The following SMOC2 variants were observed in gnomAD, a reference collection of about 807,000 sequenced individuals.
The protein encoded by SMOC2 is SPARC related modular calcium binding 2.
In SMOC2, 39 loss-of-function variants were observed where a neutral mutation model predicts 61.4. The ratio of observed to expected loss-of-function variants is 0.64; its 90% CI spans 0.49 to 0.83. The LOEUF is 0.83. SMOC2 is among the 40% of genes least tolerant of loss of function. The pLI, the probability that SMOC2 is intolerant of heterozygous loss-of-function variation, is 0.00. For missense variants in SMOC2, 556 were observed against 592.9 expected (o/e 0.94, Z 0.65); for synonymous variants, 247 against 239.9 (o/e 1.03, Z -0.27).
intron 9 of SMOC2, among the ~76,000 whole-genome samples, chr6:168,638,515 C>T (rs55876347): frequency 0.23 from 34,450 of 152,042 alleles, 4,336 homozygotes; most frequent in Admixed American, 0.35. Flanking sequence ...CTGCTGGAAG[C>T]GGGGTCTGGA....
intron 7 of SMOC2, among the ~76,000 whole-genome samples, chr6:168,568,564 A>AGAG: frequency 6.6e-6 from 1 of 152,272 alleles, no homozygotes; most frequent in African/African-American, 2.4e-5. Flanking sequence ...ACCCCCCATC[A>AGAG]TAGTGTCATA....
At chr6:168,623,134 C>T (rs1786286805) in intron 9 of SMOC2, among the ~76,000 whole-genome samples, 1 of 152,040 alleles carries the variant, frequency 6.6e-6, no homozygotes, top group South Asian at 2.1e-4. Context: ...GCTCTATTGT[C>T]CAGGGTATCT....
At chr6:168,461,052 G>T (rs577945610) in intron 1 of SMOC2, among the ~76,000 whole-genome samples, 2 of 152,296 alleles carry the variant, frequency 1.3e-5, no homozygotes, top group East Asian at 1.9e-4. Context: ...GCTGATAAAG[G>T]CATATCCAGT....
intron 1 of SMOC2, among the ~76,000 whole-genome samples, chr6:168,485,366 G>A (rs1020561195): frequency 6.6e-5 from 10 of 151,986 alleles, no homozygotes; most frequent in African/African-American, 2.4e-4. Context: ...AAAAAAACAC[G>A]TACATAAATG....
At chr6:168,526,512 G>A (rs1044089039) in intron 3 of SMOC2, 60 bp downstream of exon 3, 27 of 1,442,302 alleles carry the variant, frequency 1.9e-5, no homozygotes, top group African/African-American at 9.8e-5. Flanking sequence ...GATGTGGAGC[G>A]GGTGTGGGGA....
At chr6:168,465,251 G>A (rs532844610) in intron 1 of SMOC2, among the ~76,000 whole-genome samples, 32 of 152,268 alleles carry the variant, frequency 2.1e-4, no homozygotes, top group African/African-American at 7.2e-4. Context: ...CCATCCTGCC[G>A]CTGCTTTCTG....
chr6:168,643,905 A>T (rs1039396896), intron 9 of SMOC2, among the ~76,000 whole-genome samples: 1 of 152,184 alleles, frequency 6.6e-6, no homozygotes, highest in Admixed American at 6.5e-5. Context: ...CCACGCGTAG[A>T]TCAGACAGGA....
rs181677998 is a variant in SMOC2, at chr6:168,470,195, A to G, written c.84+28741A>G. ...TTTGTGGTGATCCTCCTGCACTTTG[A>G]GGTCTCAGAATCACAGTCTCAGTCT... is the stretch of plus-strand genomic sequence containing the variant. On this transcript the variant is annotated intron_variant, in intron 1 of 12. Coordinates refer to ENST00000356284, the MANE Select transcript of SMOC2 (RefSeq NM_001166412.2). Among the ~76,000 whole-genome samples the G allele has an allele frequency of 4.9e-3, 739 of 152,320 alleles. 5 individuals carry two copies. The highest frequency in any genetic ancestry group is 0.013 in the Admixed American group (197 of 15,304).
In SMOC2 at chr6:168,517,411, C is replaced by T. The variant is rs149447639; in HGVS notation, c.256+7325C>T. Among the ~76,000 whole-genome samples, 351 of 152,348 alleles carry T rather than the reference C, an allele frequency of 2.3e-3. 2 individuals are homozygous for T. The highest frequency in any genetic ancestry group is 3.9e-3 in the Admixed American group (60 of 15,306). Reference sequence around the variant, plus strand: ...AGAGGAACAGCGGGCAGCAGTGTCTCCGGGAGGAAAGCCAGGCGGCTTCAC... The same window carrying T: ...AGAGGAACAGCGGGCAGCAGTGTCTTCGGGAGGAAAGCCAGGCGGCTTCAC... On this transcript the variant is annotated intron_variant, in intron 2 of 12. Coordinates refer to ENST00000356284, the MANE Select transcript of SMOC2 (RefSeq NM_001166412.2).
chr6:168,567,585 G>C (rs1784572459), intron 7 of SMOC2, among the ~76,000 whole-genome samples: 1 of 152,090 alleles, frequency 6.6e-6, no homozygotes, highest in African/African-American at 2.4e-5. Flanking sequence ...ACACCTCTGA[G>C]TTTCCAATGG....
At chr6:168,491,679 G>T (rs9456130) in intron 1 of SMOC2, among the ~76,000 whole-genome samples, 1 of 152,150 alleles carries the variant, frequency 6.6e-6, no homozygotes, top group Non-Finnish European at 1.5e-5. Flanking sequence ...GTATCTGCAT[G>T]AGCTGTGGGA....
rs1176019665 is a variant in SMOC2, at chr6:168,666,871, G to T, written c.*433G>T. ...TGTCCATGGAAGTTTGTGATGTACG[G>T]CCGACCCTACAGGCAGTTAACATGC... On this transcript the variant is annotated 3_prime_UTR_variant, in exon 13 of 13. Coordinates refer to ENST00000356284, the MANE Select transcript of SMOC2 (RefSeq NM_001166412.2). 2 of 162,694 alleles carry T rather than the reference G, an allele frequency of 1.2e-5. No individual in the cohort carries two copies. Among genetic ancestry groups the T allele is most frequent in the Non-Finnish European group, 2.7e-5 (2 of 75,004 alleles). The allele number at this position is 162,694 out of a possible 1,614,324, so 10.1% of individuals were successfully genotyped here. A position where few individuals can be genotyped will look rare whatever the true frequency, so the allele number is the denominator to read the frequency against.
chr6:168,499,586 G>A (rs774332679), intron 1 of SMOC2, among the ~76,000 whole-genome samples: 7 of 152,230 alleles, frequency 4.6e-5, no homozygotes, highest in Non-Finnish European at 8.8e-5. Flanking sequence ...GCCTACAGCA[G>A]AGAATTCCAA....
chr6:168,666,009 TAAAG>T (rs1048534781), intron 12 of SMOC2, among the ~76,000 whole-genome samples: 2 of 152,128 alleles, frequency 1.3e-5, no homozygotes, highest in South Asian at 2.1e-4. Context: ...GATTTCTTCT[TAAAG>T]AGGTAAACTA....
Position 168,441,296 on chromosome 6 carries a change from C to G in SMOC2, c.-75C>G. 1 of 1,451,504 alleles carries G rather than the reference C, an allele frequency of 6.9e-7. No individual in the cohort carries two copies. Among genetic ancestry groups the G allele is most frequent in the Non-Finnish European group, 9.0e-7 (1 of 1,111,632 alleles). 89.9% of individuals were successfully genotyped at this position (1,451,504 alleles called of 1,614,324 possible). A position where few individuals can be genotyped will look rare whatever the true frequency, so the allele number is the denominator to read the frequency against. On this transcript the variant is annotated 5_prime_UTR_variant, in exon 1 of 13. Transcript: ENST00000356284. Reference sequence around the variant, plus strand: ...CCACGCGCCCGCCCAGCCGCGCTCGCCCACTGGGCTCTCCCGGCTGCAGTG... The same window carrying G: ...CCACGCGCCCGCCCAGCCGCGCTCGGCCACTGGGCTCTCCCGGCTGCAGTG...
At chr6:168,556,592 G>A (rs1363967245) in intron 7 of SMOC2, among the ~76,000 whole-genome samples, 4 of 135,036 alleles carry the variant, frequency 3.0e-5, no homozygotes, top group Admixed American at 2.9e-4. Context: ...TGCGCCTTGG[G>A]ATCTTTTTTT....
At position 168,526,166 on chromosome 6, in the gene SMOC2, C is replaced by T. The variant is rs528416889; in HGVS notation, c.257-180C>T. Among the ~76,000 whole-genome samples the T allele has an allele frequency of 7.2e-5, 11 of 152,372 alleles. No homozygotes were observed. The South Asian group carries it at 1.7e-3, about 23-fold the overall frequency. The stretch of plus-strand genomic sequence containing the variant: ...TAGGACCAGGCCTGCATGTGACAGG[C>T]ACCTGCCCTTCTTCTGAGGCTCCCT... On this transcript the variant is annotated intron_variant, in intron 2 of 12. Transcript: ENST00000356284.
intron 8 of SMOC2, among the ~76,000 whole-genome samples, chr6:168,599,581 A>ACCCACACCCACACACACATACCCC (rs1554247838): frequency 3.2e-5 from 1 of 31,626 alleles, no homozygotes; most frequent in Non-Finnish European, 4.9e-5. Context: ...CACTCATACC[A>ACCCACACCCACACACACATACCCC]CACACACCCA....
chr6:168,586,884 G>A (rs1407925921), intron 7 of SMOC2, among the ~76,000 whole-genome samples: 1 of 152,144 alleles, frequency 6.6e-6, no homozygotes, highest in Non-Finnish European at 1.5e-5. Flanking sequence ...TAAAAAAGTA[G>A]TGAGATTATT....
Sources: gnomAD v4.1 joint callset for allele counts (sites outside exome capture counted in the v4.1 genomes callset) on GRCh38, gnomAD v4.1.1 for gene constraint, MANE v1.5 for transcripts, NCBI Gene and HGNC (gene_info 2026-07-23, HGNC 2026-07-21) for gene names.